Variants in DLG2 observed in about 807,000 individuals in gnomAD.
The protein encoded by DLG2 is discs large MAGUK scaffold protein 2, also known as disks large homolog 2.
DLG2 carries 45 observed loss-of-function variants against 132.5 expected under a neutral mutation model. The observed-to-expected ratio is 0.34, with a 90% confidence interval of 0.27 to 0.44. The LOEUF is 0.44. DLG2 is among the 20% of genes least tolerant of loss of function. DLG2 has a pLI of 1.00. For synonymous variants in DLG2, 424 were observed against 419.6 expected, an observed-to-expected ratio of 1.01 and a Z score of -0.13; for missense variants, 1,045 against 1,196.9, an observed-to-expected ratio of 0.87 and a Z score of 1.87.
At chr11:84,813,252 G>C (rs1416161717) in intron 6 of DLG2, among the ~76,000 whole-genome samples, 2 of 151,938 alleles carry the variant, frequency 1.3e-5, no homozygotes, top group South Asian at 4.2e-4. Flanking sequence ...AAATTTACCT[G>C]TGGGTAACAC....
chr11:83,533,546 C>T (rs561931705), intron 20 of DLG2, among the ~76,000 whole-genome samples: 1 of 152,228 alleles, frequency 6.6e-6, no homozygotes, highest in Admixed American at 6.5e-5. Context: ...GAGTAGAAAG[C>T]ATTAGGATGG....
chr11:83,919,468 A>T (rs1214953180), intron 15 of DLG2, among the ~76,000 whole-genome samples: 1 of 152,238 alleles, frequency 6.6e-6, no homozygotes, highest in Non-Finnish European at 1.5e-5. Flanking sequence ...GCAGAAGCTG[A>T]TTAAAATTCA....
At chr11:84,825,894 G>A (rs551531092) in intron 6 of DLG2, among the ~76,000 whole-genome samples, 4 of 151,728 alleles carry the variant, frequency 2.6e-5, no homozygotes, top group African/African-American at 7.2e-5. Context: ...TTCTCATACA[G>A]GATCTAATCC....
At chr11:84,684,105 A>C (rs1031531752) in intron 6 of DLG2, among the ~76,000 whole-genome samples, 2 of 152,210 alleles carry the variant, frequency 1.3e-5, no homozygotes, top group Admixed American at 6.5e-5. Flanking sequence ...TACATCTCAG[A>C]TATTTAATCA....
chr11:84,148,602 T>C (rs1272893745), intron 9 of DLG2, among the ~76,000 whole-genome samples: 1 of 152,166 alleles, frequency 6.6e-6, no homozygotes, highest in Non-Finnish European at 1.5e-5. Context: ...GTATATTTTC[T>C]TTACCCAATC....
At chr11:84,359,944 T>C (rs1417851426) in intron 7 of DLG2, among the ~76,000 whole-genome samples, 1 of 151,914 alleles carries the variant, frequency 6.6e-6, no homozygotes, top group Non-Finnish European at 1.5e-5. Flanking sequence ...ATGAGTTAAT[T>C]CTTAAGACTA....
intron 19 of DLG2, among the ~76,000 whole-genome samples, chr11:83,598,580 C>T (rs530466220): frequency 6.6e-6 from 1 of 152,172 alleles, no homozygotes; most frequent in Admixed American, 6.5e-5. Context: ...GAGTACTTTC[C>T]CAGCAGGTTA....
At chr11:84,297,218 G>C (rs2098102725) in intron 7 of DLG2, among the ~76,000 whole-genome samples, 1 of 151,878 alleles carries the variant, frequency 6.6e-6, no homozygotes, top group Admixed American at 6.6e-5. Context: ...TTTGGGAGGA[G>C]GTTAAGGGTT....
intron 6 of DLG2, among the ~76,000 whole-genome samples, chr11:84,703,857 G>GATAGATATATATATAT (rs2059456123): frequency 9.7e-6 from 1 of 102,714 alleles, no homozygotes; most frequent in Non-Finnish European, 1.9e-5. Context: ...ATGTAGTGAA[G>GATAGATATATATATAT]ATATATATAT....
intron 7 of DLG2, among the ~76,000 whole-genome samples, chr11:84,509,277 A>C (rs1185887478): frequency 6.6e-6 from 1 of 152,210 alleles, no homozygotes; most frequent in African/African-American, 2.4e-5. Flanking sequence ...CTAAGAAGCA[A>C]CAAATAAGAT....
intron 9 of DLG2, among the ~76,000 whole-genome samples, chr11:84,125,948 T>C (rs1375846932): frequency 2.0e-5 from 3 of 152,228 alleles, no homozygotes; most frequent in Admixed American, 6.5e-5. Context: ...AAGATACCTT[T>C]GATTCTAAAA....
At chr11:84,746,913 T>C (rs1410981491) in intron 6 of DLG2, among the ~76,000 whole-genome samples, 1 of 152,000 alleles carries the variant, frequency 6.6e-6, no homozygotes, top group East Asian at 1.9e-4. Context: ...AACAAGGAGG[T>C]TGGCATATAG....
chr11:83,684,481 G>C (rs2079380731), intron 18 of DLG2: 1 of 152,102 alleles, frequency 6.6e-6, no homozygotes, highest in Non-Finnish European at 1.5e-5. Context: ...AGAAGGTCTG[G>C]AATACGCATG....
At chr11:83,753,837 T>A (rs1237092785) in intron 18 of DLG2, among the ~76,000 whole-genome samples, 2 of 11,082 alleles carry the variant, frequency 1.8e-4, no homozygotes, top group Non-Finnish European at 3.1e-4. Context: ...ATATATATGA[T>A]ATATATCATA....
At chr11:84,950,749 C>T (rs1436939942) in intron 6 of DLG2, among the ~76,000 whole-genome samples, 2 of 151,760 alleles carry the variant, frequency 1.3e-5, no homozygotes, top group Non-Finnish European at 2.9e-5. Context: ...ACACACGCAC[C>T]CCTCCCACAA....
At chr11:83,918,246 T>C (rs897027974) in intron 15 of DLG2, among the ~76,000 whole-genome samples, 1 of 152,238 alleles carries the variant, frequency 6.6e-6, no homozygotes, top group South Asian at 2.1e-4. Context: ...AGTATACGTA[T>C]AGGTGAGAAC....
intron 8 of DLG2, among the ~76,000 whole-genome samples, chr11:84,193,659 T>G (rs74364057): frequency 0.039 from 5,958 of 152,286 alleles, 337 homozygotes; most frequent in African/African-American, 0.13. Flanking sequence ...TCACAGTTTG[T>G]TCTGGGTCCT....
At chr11:83,786,616 A>C (rs1401665991) in intron 18 of DLG2, 74 bp downstream of exon 18, 6 of 1,345,772 alleles carry the variant, frequency 4.5e-6, no homozygotes, top group Non-Finnish European at 6.4e-6. Flanking sequence ...CTAGTTAATA[A>C]AAATTATTAG....
At chr11:85,168,018 C>T (rs1252313959) in intron 4 of DLG2, among the ~76,000 whole-genome samples, 3 of 152,052 alleles carry the variant, frequency 2.0e-5, no homozygotes, top group Admixed American at 2.0e-4. Context: ...AAAAACTGGG[C>T]ACAGACAAAT....
Sources: gnomAD v4.1 joint callset for allele counts (sites outside exome capture counted in the v4.1 genomes callset) on GRCh38, gnomAD v4.1.1 for gene constraint, MANE v1.5 for transcripts, NCBI Gene and HGNC (gene_info 2026-07-23, HGNC 2026-07-21) for gene names.